The following STARD9 variants were observed in gnomAD, a reference collection of about 807,000 sequenced individuals.
STARD9 encodes StAR related lipid transfer domain containing 9, also known as stAR-related lipid transfer protein 9.
A neutral mutation model predicts 399.8 loss-of-function variants in STARD9; 346 were observed. That is an observed-to-expected ratio of 0.87 (90% CI 0.79 to 0.95). STARD9 has a LOEUF of 0.95. Ranked by LOEUF, STARD9 falls within the 40% of genes least tolerant of loss-of-function variation. The pLI, the probability that STARD9 is intolerant of heterozygous loss-of-function variation, is 0.00. For missense variants in STARD9, 5,832 were observed against 5,667.5 expected (o/e 1.03, Z -0.93); for synonymous variants, 2,203 against 2,143.5 (o/e 1.03, Z -0.77).
At chr15:42,613,033 AG>A (rs141935808) in intron 3 of STARD9, among the ~76,000 whole-genome samples, 3,175 of 151,842 alleles carry the variant, frequency 0.021, 129 homozygotes, top group African/African-American at 0.074. Context: ...TATAAAGAAA[AG>A]AAAATATTTT....
chr15:42,695,655 G>A, intron 25 of STARD9, 88 bp from the exon 26 acceptor site: 1 of 1,427,224 alleles, frequency 7.0e-7, no homozygotes, highest in Non-Finnish European at 9.4e-7. Flanking sequence ...GGTGAGCAGG[G>A]AAGGGGTGGC....
intron 26 of STARD9, among the ~76,000 whole-genome samples, chr15:42,710,336 A>T (rs12905187): frequency 0.24 from 36,643 of 151,432 alleles, 5,148 homozygotes; most frequent in African/African-American, 0.38. Context: ...GTGTTGGAAT[A>T]CGGACGTGAG....
chr15:42,669,380 C>T, intron 16 of STARD9, 43 bp downstream of exon 16: 1 of 1,463,540 alleles, frequency 6.8e-7, no homozygotes. Flanking sequence ...GCCACTGGTT[C>T]CAGAGGTCAA....
chr15:42,665,946 A>G, intron 15 of STARD9, 98 bp downstream of exon 15: 1 of 949,294 alleles, frequency 1.1e-6, no homozygotes, highest in East Asian at 2.6e-5. Context: ...CAGGGCAGAG[A>G]AGAGCTGTCT....
chr15:42,602,784 A>G (rs1483570353), intron 3 of STARD9, among the ~76,000 whole-genome samples: 1 of 152,238 alleles, frequency 6.6e-6, no homozygotes, highest in Non-Finnish European at 1.5e-5. Context: ...TTGGTTGTAG[A>G]CAGCAACCAT....
chr15:42,578,847 GA>G (rs1232237134), intron 1 of STARD9, among the ~76,000 whole-genome samples: 1 of 152,248 alleles, frequency 6.6e-6, no homozygotes, highest in East Asian at 1.9e-4. Flanking sequence ...TTTTGTAGCA[GA>G]AAACAGAACA....
At chr15:42,709,544 G>T (rs982736241) in intron 26 of STARD9, among the ~76,000 whole-genome samples, 10 of 152,142 alleles carry the variant, frequency 6.6e-5, no homozygotes, top group African/African-American at 2.4e-4. Context: ...AATTAGCCAG[G>T]CATGGTGGCA....
chr15:42,646,833 G>A (rs552132695), intron 7 of STARD9, among the ~76,000 whole-genome samples: 1 of 152,250 alleles, frequency 6.6e-6, no homozygotes, highest in Admixed American at 6.5e-5. Context: ...AAACTTCAGC[G>A]TTTCTAGCTT....
At chr15:42,629,636 G>A (rs1319418612) in intron 3 of STARD9, among the ~76,000 whole-genome samples, 3 of 152,078 alleles carry the variant, frequency 2.0e-5, no homozygotes, top group African/African-American at 4.8e-5. Flanking sequence ...GCTCTAGCTA[G>A]GACTTCTACA....
chr15:42,627,542 C>T (rs978815875), intron 3 of STARD9, among the ~76,000 whole-genome samples: 1 of 152,138 alleles, frequency 6.6e-6, no homozygotes, highest in African/African-American at 2.4e-5. Context: ...CTGGATCTTA[C>T]TCATTTTGTC....
chr15:42,630,985 T>C (rs1302627582), intron 3 of STARD9, among the ~76,000 whole-genome samples: 1 of 151,630 alleles, frequency 6.6e-6, no homozygotes, highest in Non-Finnish European at 1.5e-5. Context: ...TCTAGCTCTT[T>C]TTTTTTTTTA....
At position 42,693,877 on chromosome 15, in the gene STARD9, G is replaced by A. The variant is rs890470073; in HGVS notation, c.12299G>A (p.Arg4100Gln). ...VSELTDTAGL[R>Q]GSALGLPQAC... ...GAGTTGACTGATACTGCAGGGCTCC[G>A]AGGTTCTGCCTTGGGCCTCCCTCAG... The change falls in exon 23 of 33, where the codon CGA (arginine) becomes CAA (glutamine). Residue 4100 changes from arginine (R) to glutamine (Q), a missense_variant. This residue lies in a region of STARD9 where 5,828 missense variants were observed against 5,651.1 expected (regional missense o/e 1.03). Transcript: ENST00000290607. 38 of 1,534,292 alleles carry A rather than the reference G, an allele frequency of 2.5e-5. No homozygotes were observed. The highest frequency in any genetic ancestry group is 5.9e-5 in the Admixed American group (3 of 50,830).
intron 15 of STARD9, among the ~76,000 whole-genome samples, chr15:42,667,518 G>A (rs2060126210): frequency 6.7e-6 from 1 of 150,318 alleles, no homozygotes. Context: ...TTTCGCTCTT[G>A]TCATCCAGGC....
intron 13 of STARD9, among the ~76,000 whole-genome samples, chr15:42,664,789 AACAC>A (rs55773330): frequency 0.1 from 14,872 of 144,636 alleles, 1,794 homozygotes; most frequent in African/African-American, 0.3. Flanking sequence ...TTTATCCTTT[AACAC>A]ACACACACAC....
chr15:42,595,345 C>T (rs867374286), intron 3 of STARD9, among the ~76,000 whole-genome samples: 1 of 152,124 alleles, frequency 6.6e-6, no homozygotes, highest in Admixed American at 6.5e-5. Context: ...AAGTGATGGA[C>T]GCAGCAATCA....
intron 3 of STARD9, among the ~76,000 whole-genome samples, chr15:42,596,211 T>C (rs1346886329): frequency 6.6e-6 from 1 of 152,212 alleles, no homozygotes; most frequent in Non-Finnish European, 1.5e-5. Flanking sequence ...CAAAGCTTGA[T>C]AGTCATTTGC....
Position 42,692,121 on chromosome 15 carries a change from G to A in STARD9, c.10543G>A (p.Asp3515Asn). The stretch of plus-strand genomic sequence containing the variant: ...AAATGTGGCCCGGTGCTCCAGCATG[G>A]ACAATGGCCTAGAAGACCAGAACTC... The part of the protein sequence containing the change: ...LSNVARCSSM[D>N]NGLEDQNSPF... Residue 3515 changes from aspartate (D) to asparagine (N), a missense_variant, in exon 23 of 33, where the codon GAC (aspartate) becomes AAC (asparagine). By Grantham distance (23) the Asp-to-Asn change is conservative. Transcript: ENST00000290607. 1.3e-6 allele frequency: 2 copies of A among 1,537,160 alleles called. No individual in the cohort carries two copies. The highest frequency in any genetic ancestry group is 1.7e-6 in the Non-Finnish European group (2 of 1,146,910).
rs1468639215 is a variant in STARD9 at position 42,638,008 on chromosome 15, A to G, written c.385-18A>G. On this transcript the variant is annotated intron_variant, in intron 5 of 32. Transcript: ENST00000290607. ...CTACAATTCCTACAATGAAACCCCA[A>G]CCCTCTGGTTTGTGCAGGGTCTCTT... The G allele has an allele frequency of 2.0e-6, 3 of 1,536,912 alleles. No individual in the cohort carries two copies. Among genetic ancestry groups the G allele is most frequent in the Non-Finnish European group, 2.6e-6 (3 of 1,146,876 alleles).
chr15:42,600,848 ATC>A (rs2058606829), intron 3 of STARD9, among the ~76,000 whole-genome samples: 2 of 145,976 alleles, frequency 1.4e-5, no homozygotes, highest in African/African-American at 5.1e-5. Flanking sequence ...CACTTGATAT[ATC>A]TGTTTTTCTT....
Sources: allele counts gnomAD v4.1 joint callset (sites outside exome capture counted in the v4.1 genomes callset), GRCh38; gene constraint gnomAD v4.1.1; regional missense constraint gnomAD v4.1.1; transcripts MANE v1.5; gene names NCBI Gene and HGNC (gene_info 2026-07-23, HGNC 2026-07-21).